Variants in CLEC16A observed in about 807,000 individuals in gnomAD.
CLEC16A encodes protein CLEC16A.
In CLEC16A, 51 loss-of-function variants were observed where a neutral mutation model predicts 109.5. The observed-to-expected ratio is 0.47, with a 90% CI of 0.37 to 0.59. The LOEUF is 0.59. Ranked by LOEUF, CLEC16A falls within the 20% of genes least tolerant of loss-of-function variation. The pLI, the probability that CLEC16A is intolerant of heterozygous loss-of-function variation, is 0.00. For synonymous variants in CLEC16A, 673 were observed against 564.2 expected (o/e 1.19, Z -2.73); for missense variants, 1,339 against 1,394.0 (o/e 0.96, Z 0.63).
At position 10,966,245 on chromosome 16, in the gene CLEC16A, T is replaced by G. The variant is rs143105372; in HGVS notation, c.344-2916T>G. ...GAAAGAAGGAATGAACTACTACCAT[T>G]GCATACACAGCAACCTGGAAAGCCC... On this transcript the variant is annotated intron_variant, in intron 3 of 23. Transcript: ENST00000409790. Among the ~76,000 whole-genome samples, 748 of 152,254 alleles carry G rather than the reference T, an allele frequency of 4.9e-3. 7 individuals carry two copies. The highest frequency in any genetic ancestry group is 0.01 in the Middle Eastern group (3 of 294).
intron 22 of CLEC16A, among the ~76,000 whole-genome samples, chr16:11,161,247 C>T (rs1034272905): frequency 2.6e-5 from 4 of 152,156 alleles, no homozygotes; most frequent in African/African-American, 7.2e-5. Context: ...GGTAGGCCGA[C>T]TCCTACACAG....
intron 16 of CLEC16A, among the ~76,000 whole-genome samples, chr16:11,045,601 T>G (rs977760522): frequency 6.6e-6 from 1 of 152,132 alleles, no homozygotes; most frequent in African/African-American, 2.4e-5. Context: ...CATGTGTCTT[T>G]CAGGGAAGGC....
At chr16:11,165,814 CCAT>C (rs1686003653) in intron 22 of CLEC16A, among the ~76,000 whole-genome samples, 1 of 152,180 alleles carries the variant, frequency 6.6e-6, no homozygotes, top group African/African-American at 2.4e-5. Context: ...CCATTTGAGA[CCAT>C]CATCACTAGC....
intron 23 of CLEC16A, among the ~76,000 whole-genome samples, chr16:11,172,572 G>A (rs927379802): frequency 6.6e-6 from 1 of 152,108 alleles, no homozygotes; most frequent in Non-Finnish European, 1.5e-5. Context: ...CACATAGTAG[G>A]TGTAATTAAA....
chr16:10,956,832 T>C (rs1195641014), intron 1 of CLEC16A, among the ~76,000 whole-genome samples: 1 of 152,152 alleles, frequency 6.6e-6, no homozygotes, highest in Non-Finnish European at 1.5e-5. Context: ...ACTCTCGCTC[T>C]GTCACCCAGG....
chr16:10,959,269 GAAATGCAGACTCTTTA>G (rs2042140217), intron 2 of CLEC16A, among the ~76,000 whole-genome samples: 1 of 152,164 alleles, frequency 6.6e-6, no homozygotes, highest in South Asian at 2.1e-4. Flanking sequence ...GCTACTTGTG[GAAATGCAGACTCTTTA>G]AAATGCAAAC....
intron 18 of CLEC16A, among the ~76,000 whole-genome samples, chr16:11,055,293 C>T (rs926252311): frequency 6.6e-6 from 1 of 152,228 alleles, no homozygotes; most frequent in Non-Finnish European, 1.5e-5. Flanking sequence ...CTGAGGAGCG[C>T]TCCTCCTGCA....
intron 17 of CLEC16A, among the ~76,000 whole-genome samples, chr16:11,051,137 A>G (rs1048150485): frequency 1.1e-4 from 17 of 152,184 alleles, no homozygotes; most frequent in Non-Finnish European, 1.2e-4. Context: ...GACAGAGAGG[A>G]GGAAGCAGGT....
chr16:11,166,681 C>G (rs1445758830), intron 23 of CLEC16A, 129 bp downstream of exon 23: 1 of 948,366 alleles, frequency 1.1e-6, no homozygotes, highest in Non-Finnish European at 1.5e-6. Flanking sequence ...CTCAGGTGAT[C>G]TGCACATGAA....
At chr16:11,106,644 C>T (rs939239815) in intron 19 of CLEC16A, among the ~76,000 whole-genome samples, 4 of 151,940 alleles carry the variant, frequency 2.6e-5, no homozygotes, top group South Asian at 2.1e-4. Flanking sequence ...GCCACCACAC[C>T]TGGCTTCTCT....
At chr16:11,171,962 A>C (rs758675131) in intron 23 of CLEC16A, among the ~76,000 whole-genome samples, 4 of 152,126 alleles carry the variant, frequency 2.6e-5, no homozygotes, top group South Asian at 2.1e-4. Context: ...ATGCATAGTC[A>C]CACTCCCACA....
At chr16:10,989,029 T>G (rs2043836612) in intron 10 of CLEC16A, among the ~76,000 whole-genome samples, 1 of 152,116 alleles carries the variant, frequency 6.6e-6, no homozygotes, top group Admixed American at 6.6e-5. Context: ...GGGTGGCTTT[T>G]GAGCAGACAC....
chr16:10,987,738 T>C (rs2043760664), intron 10 of CLEC16A, among the ~76,000 whole-genome samples: 1 of 152,242 alleles, frequency 6.6e-6, no homozygotes, highest in Admixed American at 6.5e-5. Context: ...CTTCCTTCCC[T>C]ATGAGCGAGA....
intron 19 of CLEC16A, among the ~76,000 whole-genome samples, chr16:11,104,416 C>G (rs1162375927): frequency 6.6e-6 from 1 of 152,158 alleles, no homozygotes; most frequent in Non-Finnish European, 1.5e-5. Flanking sequence ...TATATGCCAC[C>G]ACACCCAGCA....
intron 5 of CLEC16A, 29 bp downstream of exon 5, chr16:10,971,259 G>C (rs201211737): frequency 2.1e-5 from 32 of 1,514,402 alleles, no homozygotes; most frequent in Non-Finnish European, 2.9e-5. Context: ...TTGTGTCTCG[G>C]CTGATTTCTG....
At chr16:11,021,356 A>G (rs2046086857) in intron 12 of CLEC16A, among the ~76,000 whole-genome samples, 1 of 152,222 alleles carries the variant, frequency 6.6e-6, no homozygotes, top group Non-Finnish European at 1.5e-5. Context: ...AAAAAATGTA[A>G]CTCCCAAAGC....
chr16:10,969,338 G>A, intron 4 of CLEC16A, 29 bp downstream of exon 4: 2 of 1,534,594 alleles, frequency 1.3e-6, no homozygotes, highest in Non-Finnish European at 1.7e-6. Context: ...GGCACGTGTG[G>A]GTGTAAAGCC....
Position 11,178,666 on chromosome 16 carries a change from G to C in CLEC16A, c.3138G>C (p.Glu1046Asp). 7 of 1,536,942 alleles carry C rather than the reference G, an allele frequency of 4.6e-6. No individual in the cohort carries two copies. The highest frequency in any genetic ancestry group is 6.1e-6 in the Non-Finnish European group (7 of 1,146,610). Residue 1046 changes from glutamate (E) to aspartate (D), a missense_variant, in exon 24 of 24, where the codon GAG becomes GAC. By Grantham distance (45) the Glu-to-Asp change is conservative. Coordinates refer to ENST00000409790, the MANE Select transcript of CLEC16A (RefSeq NM_015226.3). This position sits in a 1 kb window ranked among gnomAD's most constrained non-coding sequence, Gnocchi z 6.5. ...TGGGCGAAGAGGCTGCATGTGCTGA[G>C]CCTGTGGGCACCGCTGAGGACTGAG... Reference protein sequence around the residue: ...EPVGEEAACAEPVGTAED With the variant: ...EPVGEEAACADPVGTAED
intron 22 of CLEC16A, among the ~76,000 whole-genome samples, chr16:11,129,653 GC>G (rs2053059001): frequency 1.3e-5 from 2 of 152,252 alleles, no homozygotes; most frequent in South Asian, 4.1e-4. Context: ...TGGTGTAGCT[GC>G]CTCCCGCTAA....
Sources: allele counts gnomAD v4.1 joint callset (sites outside exome capture counted in the v4.1 genomes callset), GRCh38; gene constraint gnomAD v4.1.1; non-coding constraint Gnocchi (gnomAD v3.1); transcripts MANE v1.5; gene names NCBI Gene and HGNC (gene_info 2026-07-23, HGNC 2026-07-21).